HACE1: variants seen among roughly 807,000 people sequenced by gnomAD.
The protein encoded by HACE1 is E3 ubiquitin-protein ligase HACE1.
HACE1 carries 73 observed loss-of-function variants against 118.4 expected under a neutral mutation model. The ratio of observed to expected loss-of-function variants is 0.62; its 90% CI spans 0.51 to 0.75. The LOEUF (loss-of-function observed/expected upper bound fraction) is 0.75, where lower values mean the gene tolerates loss of function less well. HACE1 is among the 30% of genes least tolerant of loss of function. The pLI, the probability that HACE1 is intolerant of heterozygous loss-of-function variation, is 0.00. For missense variants in HACE1, 749 were observed against 1,102.2 expected (o/e 0.68, Z 4.54); for synonymous variants, 368 against 374.8 (o/e 0.98, Z 0.21).
chr6:104,755,816 C>G (rs1171074843), intron 19 of HACE1, among the ~76,000 whole-genome samples: 1 of 152,170 alleles, frequency 6.6e-6, no homozygotes, highest in Non-Finnish European at 1.5e-5. Flanking sequence ...TAAATGCCCA[C>G]ATCAAAAAGC....
At chr6:104,732,658 A>C (rs1775339177) in intron 22 of HACE1, among the ~76,000 whole-genome samples, 1 of 152,194 alleles carries the variant, frequency 6.6e-6, no homozygotes, top group Non-Finnish European at 1.5e-5. Context: ...ATGCCACAAA[A>C]GTGTACACTT....
intron 6 of HACE1, among the ~76,000 whole-genome samples, chr6:104,817,970 G>C (rs1459479892): frequency 1.3e-5 from 2 of 152,164 alleles, no homozygotes; most frequent in Non-Finnish European, 2.9e-5. Flanking sequence ...TTAGAAAGTT[G>C]AAAATTGTTG....
intron 6 of HACE1, among the ~76,000 whole-genome samples, chr6:104,821,208 G>A (rs1018936297): frequency 6.6e-6 from 1 of 152,072 alleles, no homozygotes; most frequent in African/African-American, 2.4e-5. Context: ...ATGGGAGGAG[G>A]GAAAGGATGA....
At chr6:104,795,188 A>G (rs1783484919) in intron 10 of HACE1, among the ~76,000 whole-genome samples, 1 of 152,198 alleles carries the variant, frequency 6.6e-6, no homozygotes, top group African/African-American at 2.4e-5. Flanking sequence ...AAAAAACTTT[A>G]TAAGGAGTCA....
intron 7 of HACE1, among the ~76,000 whole-genome samples, chr6:104,802,891 C>G (rs955718560): frequency 6.6e-6 from 1 of 152,044 alleles, no homozygotes; most frequent in Admixed American, 6.6e-5. Context: ...AATAGAGACA[C>G]AAAAAACCCT....
At chr6:104,842,135 C>G (rs1201820496) in intron 5 of HACE1, among the ~76,000 whole-genome samples, 2 of 152,088 alleles carry the variant, frequency 1.3e-5, no homozygotes, top group African/African-American at 4.8e-5. Context: ...CAGGACCCCA[C>G]CTCTACAAAA....
intron 22 of HACE1, among the ~76,000 whole-genome samples, chr6:104,737,332 T>C (rs1427862289): frequency 2.3e-5 from 3 of 132,556 alleles, no homozygotes; most frequent in East Asian, 4.4e-4. Flanking sequence ...GGAGCCAAGA[T>C]GGCCAAATAG....
intron 14 of HACE1, chr6:104,780,385 C>T (rs1357457236): frequency 2.2e-6 from 1 of 448,806 alleles, no homozygotes; most frequent in Admixed American, 2.5e-5. Flanking sequence ...CAAAACAGGA[C>T]TGATTATAGA....
intron 19 of HACE1, among the ~76,000 whole-genome samples, chr6:104,766,108 A>C (rs888126252): frequency 3.9e-5 from 6 of 152,368 alleles, no homozygotes; most frequent in South Asian, 2.1e-4. Flanking sequence ...AAAGAAAAGA[A>C]AAGACATGAG....
At chr6:104,832,289 T>C (rs1391498842) in intron 6 of HACE1, among the ~76,000 whole-genome samples, 2 of 152,238 alleles carry the variant, frequency 1.3e-5, no homozygotes, top group African/African-American at 2.4e-5. Flanking sequence ...AAATTTAGTA[T>C]GTTTGGCTAT....
intron 19 of HACE1, among the ~76,000 whole-genome samples, chr6:104,762,986 T>C (rs1450946909): frequency 2.2e-5 from 2 of 91,378 alleles, no homozygotes; most frequent in East Asian, 6.8e-4. Context: ...TAAGACTCCA[T>C]CTCAAAAAAA....
intron 14 of HACE1, among the ~76,000 whole-genome samples, chr6:104,782,157 C>G (rs192221785): frequency 6.6e-6 from 1 of 152,324 alleles, no homozygotes; most frequent in Non-Finnish European, 1.5e-5. Flanking sequence ...CCTATTATCT[C>G]ATTTGCCCCA....
intron 22 of HACE1, among the ~76,000 whole-genome samples, chr6:104,739,942 A>G (rs1776438008): frequency 6.6e-6 from 1 of 151,702 alleles, no homozygotes; most frequent in African/African-American, 2.4e-5. Context: ...GCAAATGTAA[A>G]AGAACAGAAA....
intron 22 of HACE1, among the ~76,000 whole-genome samples, chr6:104,736,737 G>C (rs1486663581): frequency 6.6e-6 from 1 of 151,732 alleles, no homozygotes; most frequent in Non-Finnish European, 1.5e-5. Context: ...CTGCTTACTT[G>C]GCAGTAACAA....
At chr6:104,768,558 C>A (rs1343068870) in intron 19 of HACE1, among the ~76,000 whole-genome samples, 1 of 151,740 alleles carries the variant, frequency 6.6e-6, no homozygotes, top group Non-Finnish European at 1.5e-5. Flanking sequence ...TATGTTGAAA[C>A]CTCAACAATT....
intron 19 of HACE1, among the ~76,000 whole-genome samples, chr6:104,757,312 G>C (rs7740864): frequency 6.6e-6 from 1 of 151,996 alleles, no homozygotes; most frequent in Non-Finnish European, 1.5e-5. Context: ...TCATACAGGC[G>C]GGTGCCCCTC....
chr6:104,751,385 A>G (rs1011793500), intron 19 of HACE1, among the ~76,000 whole-genome samples: 2 of 152,234 alleles, frequency 1.3e-5, no homozygotes, highest in Non-Finnish European at 2.9e-5. Flanking sequence ...AGTCAATTCA[A>G]TTCTGAGTTA....
At chr6:104,808,382 T>C (rs6920482) in intron 7 of HACE1, among the ~76,000 whole-genome samples, 26,414 of 152,082 alleles carry the variant, frequency 0.17, 2,483 homozygotes, top group African/African-American at 0.25. Context: ...CCATCACATT[T>C]AATCTTCACA....
At chr6:104,799,860 C>T (rs1582531912) in intron 7 of HACE1, among the ~76,000 whole-genome samples, 2 of 151,868 alleles carry the variant, frequency 1.3e-5, no homozygotes, top group South Asian at 2.1e-4. Flanking sequence ...GGTACCTGGT[C>T]GATCTCATTG....
Sources: allele counts gnomAD v4.1 joint callset (sites outside exome capture counted in the v4.1 genomes callset), GRCh38; gene constraint gnomAD v4.1.1; transcripts MANE v1.5; gene names NCBI Gene and HGNC (gene_info 2026-07-23, HGNC 2026-07-21).